Variants in ATP7B observed in about 807,000 individuals in gnomAD.
The protein encoded by ATP7B is copper-transporting ATPase 2.
Under a neutral mutation model 118.9 loss-of-function variants are expected in ATP7B, and 113 were observed. The ratio of observed to expected loss-of-function variants is 0.95; its 90% CI spans 0.82 to 1.11. ATP7B has a LOEUF of 1.11. ATP7B is among the 50% of genes most tolerant of loss of function. The pLI is 0.00. For missense variants in ATP7B, 1,867 were observed against 1,871.4 expected, an observed-to-expected ratio of 1.00 and a Z score of 0.04; for synonymous variants, 777 against 727.4, an observed-to-expected ratio of 1.07 and a Z score of -1.10.
chr13:51,961,772 G>T, intron 6 of ATP7B, 65 bp downstream of exon 6: 1 of 1,499,480 alleles, frequency 6.7e-7, no homozygotes, highest in Non-Finnish European at 9.3e-7. Flanking sequence ...AGCTGGCAGA[G>T]TTGGGCCCAG....
At chr13:51,987,088 G>A (rs1236941516) in intron 1 of ATP7B, among the ~76,000 whole-genome samples, 1 of 152,158 alleles carries the variant, frequency 6.6e-6, no homozygotes, top group Admixed American at 6.5e-5. Flanking sequence ...GCAAGAGAAA[G>A]AAATAAAGGA....
At position 51,961,545 on chromosome 13, in the gene ATP7B, T is replaced by C. The variant is rs541134928; in HGVS notation, c.1946+292A>G. Among the ~76,000 whole-genome samples, 11 of 152,324 alleles carry C rather than the reference T, an allele frequency of 7.2e-5. No homozygotes were observed. The South Asian group carries it at 2.3e-3, about 32-fold the overall frequency. On this transcript the variant is annotated intron_variant, in intron 6 of 20. Coordinates refer to ENST00000242839, the MANE Select transcript of ATP7B (RefSeq NM_000053.4). ...TTAGCTAAAGGTAGCTAAATTGAAA[T>C]TCCTTAAAAATTAAAAATTCATTTC... is the stretch of plus-strand genomic sequence containing the variant.
At chr13:51,948,527 T>G (rs1057242208) in intron 12 of ATP7B, among the ~76,000 whole-genome samples, 3 of 152,258 alleles carry the variant, frequency 2.0e-5, no homozygotes, top group African/African-American at 4.8e-5. Context: ...GTTCTAAGTG[T>G]GCCATTAGCT....
intron 1 of ATP7B, among the ~76,000 whole-genome samples, chr13:51,986,162 C>T (rs929407315): frequency 5.9e-5 from 9 of 151,916 alleles, no homozygotes; most frequent in South Asian, 2.1e-4. Flanking sequence ...ATAGATAGAC[C>T]GCTAGCCAGA....
chr13:51,998,903 G>A (rs1027340630), intron 1 of ATP7B, among the ~76,000 whole-genome samples: 1 of 152,184 alleles, frequency 6.6e-6, no homozygotes, highest in Non-Finnish European at 1.5e-5. Flanking sequence ...ACACTGGGCA[G>A]GGCTTCCCAG....
chr13:51,934,894 G>C lies in ATP7B; in HGVS notation c.4260C>G (p.Asp1420Glu). 1 of 1,614,186 alleles carries C rather than the reference G, an allele frequency of 6.2e-7. No individual in the cohort carries two copies. Among genetic ancestry groups the C allele is most frequent in the Non-Finnish European group, 8.5e-7 (1 of 1,180,038 alleles). ...ACACCTGGCTGACATAGCTGACCTGGTCCCATGGTGTGGCCCTGGGGGAGT... is the reference window on the plus strand; with the variant it reads ...ACACCTGGCTGACATAGCTGACCTGCTCCCATGGTGTGGCCCTGGGGGAGT... ...WRDSPRATPW[D>E]QVSYVSQVSL... The change falls in exon 21 of 21, where the codon GAC becomes GAG. Residue 1420 changes from aspartate to glutamate, a missense_variant. Asp to Glu is a conservative substitution (Grantham distance 45, BLOSUM62 2). Transcript: ENST00000242839.
chr13:51,995,321 G>A lies in ATP7B; in HGVS notation c.51+15966C>T, dbSNP rs895853183. 15 of 985,232 alleles carry A rather than the reference G, an allele frequency of 1.5e-5. No individual in the cohort carries two copies. The African/African-American group carries it at 2.1e-4, about 14-fold the overall frequency. The allele number at this position is 985,232 out of a possible 1,614,324, so 61.0% of individuals were successfully genotyped here. A position where few individuals can be genotyped will look rare whatever the true frequency, so the allele number is the denominator to read the frequency against. Reference sequence around the variant, plus strand: ...ATCTGCAATTGCACTGACCTGACTGGAACTCATTTCCCAGGTTCCATTCAA... The same window carrying A: ...ATCTGCAATTGCACTGACCTGACTGAAACTCATTTCCCAGGTTCCATTCAA... On this transcript the variant is annotated intron_variant, in intron 1 of 20. Coordinates refer to ENST00000242839, the MANE Select transcript of ATP7B (RefSeq NM_000053.4).
chr13:51,968,010 C>G (rs1951650040), intron 4 of ATP7B, among the ~76,000 whole-genome samples: 1 of 152,150 alleles, frequency 6.6e-6, no homozygotes, highest in Admixed American at 6.6e-5. Flanking sequence ...ATCACAAGCC[C>G]TTTTCTCTTA....
chr13:51,968,596 C>G lies in ATP7B; in HGVS notation c.1555G>C (p.Val519Leu). 2.5e-6 allele frequency: 4 copies of G among 1,614,100 alleles called. No individual in the cohort carries two copies. The highest frequency in any genetic ancestry group is 3.4e-6 in the Non-Finnish European group (4 of 1,180,012). The change falls in exon 4 of 21, where the codon GTG (valine) becomes CTG (leucine). Residue 519 changes from valine to leucine, a missense_variant. Transcript: ENST00000242839. The part of the protein sequence containing the change: ...NLQKEAGVLS[V>L]LVALMAGKAE... ...TTTCCTGCCATCAAGGCAACCAACACGGAGAGAACACCTGGAACCATCAGG... is the reference window on the plus strand; with the variant it reads ...TTTCCTGCCATCAAGGCAACCAACAGGGAGAGAACACCTGGAACCATCAGG...
At position 51,934,567 on chromosome 13, in the gene ATP7B, T is replaced by C; in HGVS notation, c.*189A>G. On this transcript the variant is annotated 3_prime_UTR_variant, in exon 21 of 21. Coordinates refer to ENST00000242839, the MANE Select transcript of ATP7B (RefSeq NM_000053.4). ...TGAGGCCAAGAGGCAGGCAGGGCCG[T>C]CCTCTCCAGGCCAAGCCCAGCTGCA... 3 of 908,740 alleles carry C rather than the reference T, an allele frequency of 3.3e-6. No individual in the cohort carries two copies. The highest frequency in any genetic ancestry group is 4.2e-5 in the Admixed American group (2 of 47,410). The allele number at this position is 908,740 out of a possible 1,614,324, so 56.3% of individuals were successfully genotyped here. A position where few individuals can be genotyped will look rare whatever the true frequency, so the allele number is the denominator to read the frequency against.
At chr13:51,968,225 C>T (rs1951661872) in intron 4 of ATP7B, among the ~76,000 whole-genome samples, 1 of 152,232 alleles carries the variant, frequency 6.6e-6, no homozygotes, top group African/African-American at 2.4e-5. Flanking sequence ...TGAATACTCT[C>T]AGTGGGATCC....
At chr13:51,984,953 C>T (rs1223464740) in intron 1 of ATP7B, among the ~76,000 whole-genome samples, 1 of 152,172 alleles carries the variant, frequency 6.6e-6, no homozygotes, top group South Asian at 2.1e-4. Context: ...GTACCAGTCA[C>T]TGCAAAAACA....
chr13:52,007,292 G>A lies in ATP7B; in HGVS notation c.51+3995C>T, dbSNP rs78515105. Among the ~76,000 whole-genome samples, 1,200 of 152,198 alleles carry A rather than the reference G, an allele frequency of 7.9e-3. 12 individuals are homozygous for A. The highest frequency in any genetic ancestry group is 0.026 in the African/African-American group (1,095 of 41,526). On this transcript the variant is annotated intron_variant, in intron 1 of 20. Coordinates refer to ENST00000242839, the MANE Select transcript of ATP7B (RefSeq NM_000053.4). The stretch of plus-strand genomic sequence containing the variant: ...AAGTAAGTTTTGACAATAAAAAATC[G>A]CTGAGAAAGTCAGGCAGGCCTGGCT...
chr13:51,984,346 C>T (rs960996251), intron 1 of ATP7B, among the ~76,000 whole-genome samples: 9 of 151,892 alleles, frequency 5.9e-5, no homozygotes, highest in East Asian at 3.9e-4. Flanking sequence ...TGAAATAAAG[C>T]GTGAAGACAA....
intron 12 of ATP7B, among the ~76,000 whole-genome samples, chr13:51,948,596 C>T (rs1014899948): frequency 3.3e-5 from 5 of 152,200 alleles, no homozygotes; most frequent in African/African-American, 7.2e-5. Flanking sequence ...GGCCAGATAA[C>T]TCTTTGTTGT....
chr13:51,947,158 G>A (rs1205658270), intron 12 of ATP7B, among the ~76,000 whole-genome samples: 1 of 152,202 alleles, frequency 6.6e-6, no homozygotes, highest in East Asian at 1.9e-4. Context: ...GATATGGAAA[G>A]GTACCAGCAG....
At chr13:51,942,196 A>G (rs1957373056) in intron 15 of ATP7B, among the ~76,000 whole-genome samples, 190 bp downstream of exon 15, 1 of 152,360 alleles carries the variant, frequency 6.6e-6, no homozygotes. Flanking sequence ...TAAGGCAGCC[A>G]TAAGCAACAA....
intron 1 of ATP7B, among the ~76,000 whole-genome samples, chr13:51,983,242 C>T (rs1456293962): frequency 1.3e-5 from 2 of 152,186 alleles, no homozygotes; most frequent in Non-Finnish European, 2.9e-5. Context: ...GGGGCATCCA[C>T]CATTACTGAG....
Position 51,950,092 on chromosome 13 carries a change from G to A in ATP7B, c.2645C>T (p.Ser882Phe), listed in dbSNP as rs778850011. The part of the protein sequence containing the change: ...VIAGSINAHG[S>F]VLIKATHVGN... ...CACGTGGGTAGCTTTAATGAGCACA[G>A]AGCCATGTGCATTTATAGACCCCGC... The change falls in exon 11 of 21, where the codon TCT (serine) becomes TTT (phenylalanine). Residue 882 changes from serine to phenylalanine, a missense_variant. Ser to Phe is a radical substitution (Grantham distance 155, BLOSUM62 -2). Coordinates refer to ENST00000242839, the MANE Select transcript of ATP7B (RefSeq NM_000053.4). 2 of 1,614,206 alleles carry A rather than the reference G, an allele frequency of 1.2e-6. No individual in the cohort carries two copies. The highest frequency in any genetic ancestry group is 1.7e-6 in the Non-Finnish European group (2 of 1,180,038).
Sources: gnomAD v4.1 joint callset for allele counts (sites outside exome capture counted in the v4.1 genomes callset) on GRCh38, gnomAD v4.1.1 for gene constraint, MANE v1.5 for transcripts, NCBI Gene and HGNC (gene_info 2026-07-23, HGNC 2026-07-21) for gene names.